SOX6: variants seen among roughly 807,000 people sequenced by gnomAD.
SOX6 encodes the protein SRY-box transcription factor 6.
A neutral mutation model predicts 97.8 loss-of-function variants in SOX6; 11 were observed. The ratio of observed to expected loss-of-function variants is 0.11; its 90% confidence interval spans 0.07 to 0.19. The LOEUF is 0.19. Ranked by LOEUF, SOX6 falls within the 10% of genes least tolerant of loss-of-function variation. The pLI, the probability that SOX6 is intolerant of heterozygous loss-of-function variation, is 1.00. For missense variants in SOX6, 810 were observed against 1,039.5 expected, an observed-to-expected ratio of 0.78 and a Z score of 3.04; for synonymous variants, 360 against 371.4, an observed-to-expected ratio of 0.97 and a Z score of 0.35.
chr11:16,421,647 C>T (rs980334832), intron 1 of SOX6, among the ~76,000 whole-genome samples: 1 of 152,176 alleles, frequency 6.6e-6, no homozygotes, highest in Non-Finnish European at 1.5e-5. Context: ...ACAAGCTGCA[C>T]TATCTTTGAC....
intron 3 of SOX6, among the ~76,000 whole-genome samples, chr11:16,662,919 T>C (rs1171403758): frequency 1.3e-5 from 2 of 152,130 alleles, no homozygotes; most frequent in Non-Finnish European, 2.9e-5. Context: ...TGTGAATTCC[T>C]GTCCTCAAGC....
At chr11:16,409,740 G>T (rs1858760308) in intron 1 of SOX6, among the ~76,000 whole-genome samples, 1 of 151,784 alleles carries the variant, frequency 6.6e-6, no homozygotes. Flanking sequence ...GCAATGGATA[G>T]AAGACAAAAC....
chr11:16,351,326 T>C (rs1213196214), intron 1 of SOX6, among the ~76,000 whole-genome samples: 1 of 152,072 alleles, frequency 6.6e-6, no homozygotes, highest in Non-Finnish European at 1.5e-5. Context: ...TGAAGCTCCA[T>C]CAGCTATTCT....
At position 16,019,177 on chromosome 11, in the gene SOX6, G is replaced by C. The variant is rs185824428; in HGVS notation, c.1624-4127C>G. On this transcript the variant is annotated intron_variant, in intron 12 of 15. Transcript: ENST00000683767. ...ACCAAGACTGACCAGTGTGTACCAGGCCTCAAATTATTTCAACATGGTCCC... is the reference window on the plus strand; with the variant it reads ...ACCAAGACTGACCAGTGTGTACCAGCCCTCAAATTATTTCAACATGGTCCC... Among the ~76,000 whole-genome samples the C allele has an allele frequency of 9.2e-5, 14 of 152,192 alleles. No individual in the cohort carries two copies. The East Asian group carries it at 2.7e-3, about 29-fold the overall frequency.
chr11:16,653,374 A>G (rs1847681016), intron 3 of SOX6, among the ~76,000 whole-genome samples: 1 of 152,188 alleles, frequency 6.6e-6, no homozygotes, highest in Non-Finnish European at 1.5e-5. Flanking sequence ...CCAAACACCC[A>G]TCAGCCAACA....
chr11:16,532,609 A>G (rs1861252957), intron 4 of SOX6, among the ~76,000 whole-genome samples: 1 of 151,912 alleles, frequency 6.6e-6, no homozygotes, highest in Non-Finnish European at 1.5e-5. Flanking sequence ...TTTTAAAATA[A>G]CAATGTATAC....
intron 3 of SOX6, among the ~76,000 whole-genome samples, chr11:16,643,696 C>T (rs569217836): frequency 6.6e-6 from 1 of 152,350 alleles, no homozygotes; most frequent in Admixed American, 6.5e-5. Context: ...GCTCCATGGG[C>T]ATAGGACCCT....
At chr11:16,198,875 G>A (rs1243013319) in intron 4 of SOX6, among the ~76,000 whole-genome samples, 1 of 152,150 alleles carries the variant, frequency 6.6e-6, no homozygotes, top group Non-Finnish European at 1.5e-5. Flanking sequence ...ATCTACTCTA[G>A]TGCTACTCAT....
chr11:16,479,736 A>G (rs533359698), upstream of SOX6, among the ~76,000 whole-genome samples: 129 of 152,300 alleles, frequency 8.5e-4, no homozygotes, highest in African/African-American at 3.1e-3. Flanking sequence ...GTGTGGAAAA[A>G]TAAGCACTTT....
intron 12 of SOX6, among the ~76,000 whole-genome samples, chr11:16,044,850 G>C (rs1429905393): frequency 6.6e-6 from 1 of 152,090 alleles, no homozygotes; most frequent in East Asian, 1.9e-4. Flanking sequence ...TTGGAAACCA[G>C]GGTTTTCTGG....
chr11:16,494,483 A>T (rs551801592), intron 4 of SOX6, among the ~76,000 whole-genome samples: 1 of 152,336 alleles, frequency 6.6e-6, no homozygotes, highest in South Asian at 2.1e-4. Flanking sequence ...GCGATATACA[A>T]AAGCAAATAT....
intron 4 of SOX6, among the ~76,000 whole-genome samples, chr11:16,594,500 G>A (rs1256609977): frequency 1.3e-5 from 2 of 151,722 alleles, no homozygotes; most frequent in East Asian, 3.9e-4. Context: ...TGTTATAGTG[G>A]GAAAGGACTA....
At chr11:16,491,709 T>C (rs896927107) in intron 4 of SOX6, among the ~76,000 whole-genome samples, 4 of 152,148 alleles carry the variant, frequency 2.6e-5, no homozygotes, top group Admixed American at 2.6e-4. Flanking sequence ...GAGAAAAACA[T>C]TCCTTTGGAA....
chr11:16,619,639 A>G (rs1312751700), intron 3 of SOX6, among the ~76,000 whole-genome samples: 1 of 152,140 alleles, frequency 6.6e-6, no homozygotes, highest in Non-Finnish European at 1.5e-5. Flanking sequence ...TTTTAAACAA[A>G]GAGAGAAGGA....
At chr11:16,460,207 A>G (rs917278308) in intron 1 of SOX6, among the ~76,000 whole-genome samples, 1 of 152,114 alleles carries the variant, frequency 6.6e-6, no homozygotes, top group African/African-American at 2.4e-5. Flanking sequence ...ATCTGAAATT[A>G]CTATACTTAG....
At chr11:16,712,725 C>A (rs919882600) in intron 3 of SOX6, among the ~76,000 whole-genome samples, 1 of 152,190 alleles carries the variant, frequency 6.6e-6, no homozygotes, top group Non-Finnish European at 1.5e-5. Flanking sequence ...CATACTGTCA[C>A]AGTCCCTTGT....
At chr11:16,172,008 T>C (rs1205747014) in intron 6 of SOX6, among the ~76,000 whole-genome samples, 1 of 151,526 alleles carries the variant, frequency 6.6e-6, no homozygotes, top group African/African-American at 2.4e-5. Flanking sequence ...GGAGACCCAG[T>C]TCTAGAAAGC....
chr11:16,680,051 G>A (rs1216618003), intron 3 of SOX6, among the ~76,000 whole-genome samples: 1 of 152,146 alleles, frequency 6.6e-6, no homozygotes, highest in African/African-American at 2.4e-5. Context: ...ATATTATCCA[G>A]GAGAACTTCC....
At chr11:16,086,846 G>A (rs1168535738) in intron 9 of SOX6, among the ~76,000 whole-genome samples, 8 of 152,116 alleles carry the variant, frequency 5.3e-5, no homozygotes, top group East Asian at 3.8e-4. Context: ...TGAAAAATAC[G>A]TGAACTCTTT....
Sources: gnomAD v4.1 joint callset for allele counts (sites outside exome capture counted in the v4.1 genomes callset) on GRCh38, gnomAD v4.1.1 for gene constraint, MANE v1.5 for transcripts, NCBI Gene and HGNC (gene_info 2026-07-23, HGNC 2026-07-21) for gene names.